FBXL2: variants seen among roughly 807,000 people sequenced by gnomAD.
The protein encoded by FBXL2 is F-box and leucine rich repeat protein 2.
FBXL2 carries 38 observed loss-of-function variants against 69.2 expected under a neutral mutation model. The ratio of observed to expected loss-of-function variants is 0.55; its 90% CI spans 0.42 to 0.72. The LOEUF is 0.72. FBXL2 is among the 30% of genes least tolerant of loss of function. The pLI, the probability that FBXL2 is intolerant of heterozygous loss-of-function variation, is 0.00. For synonymous variants in FBXL2, 192 were observed against 201.3 expected (o/e 0.95, Z 0.39); for missense variants, 354 against 520.3 (o/e 0.68, Z 3.11).
intron 1 of FBXL2, among the ~76,000 whole-genome samples, chr3:33,297,277 C>T (rs76595841): frequency 0.095 from 14,376 of 152,024 alleles, 688 homozygotes; most frequent in African/African-American, 0.11. Context: ...GCAGCCTTGC[C>T]GAACTCCTTG....
intron 2 of FBXL2, among the ~76,000 whole-genome samples, chr3:33,346,388 TAGTG>T (rs1251689753): frequency 6.6e-6 from 1 of 151,050 alleles, no homozygotes; most frequent in African/African-American, 2.4e-5. Flanking sequence ...CAAGCAAACA[TAGTG>T]AGACCCCATC....
At chr3:33,368,959 T>C (rs930469087) in intron 5 of FBXL2, among the ~76,000 whole-genome samples, 4 of 152,218 alleles carry the variant, frequency 2.6e-5, no homozygotes, top group Non-Finnish European at 4.4e-5. Context: ...TTAATGTGAT[T>C]ATTATGGTTA....
chr3:33,349,117 A>T (rs1283832048), intron 2 of FBXL2, among the ~76,000 whole-genome samples: 2 of 152,024 alleles, frequency 1.3e-5, no homozygotes, highest in African/African-American at 4.8e-5. Context: ...TCTTTCCCTT[A>T]TCTGTTGCTC....
At chr3:33,301,854 A>G (rs768856400) in intron 2 of FBXL2, among the ~76,000 whole-genome samples, 1 of 152,098 alleles carries the variant, frequency 6.6e-6, no homozygotes, top group Admixed American at 6.5e-5. Context: ...TATTGTCCAT[A>G]TTACTGTTGG....
At chr3:33,411,606 G>A in the FBXL2 span, 1 of 1,614,126 alleles carries the variant, frequency 6.2e-7, no homozygotes, top group Non-Finnish European at 8.5e-7. Flanking sequence ...GGTGCGTTTT[G>A]CTGGGTCCCA....
intron 1 of FBXL2, among the ~76,000 whole-genome samples, chr3:33,280,218 G>A (rs1210919647): frequency 6.6e-6 from 1 of 152,166 alleles, no homozygotes; most frequent in Non-Finnish European, 1.5e-5. Flanking sequence ...CTTACTCACA[G>A]CTATACTAGC....
chr3:33,396,955 C>T (rs1559668525), intron 12 of FBXL2: 2 of 1,201,914 alleles, frequency 1.7e-6, no homozygotes, highest in Admixed American at 3.6e-5. Flanking sequence ...GCACACACGC[C>T]AACCTAGCGT....
chr3:33,326,172 C>T (rs1483210145), intron 2 of FBXL2, among the ~76,000 whole-genome samples: 1 of 152,150 alleles, frequency 6.6e-6, no homozygotes, highest in African/African-American at 2.4e-5. Flanking sequence ...GTCTATACTT[C>T]TTAGTTGAAT....
chr3:33,412,913 T>G, the FBXL2 span: 17 of 869,168 alleles, frequency 2.0e-5, no homozygotes, highest in African/African-American at 8.2e-5. Flanking sequence ...TGTTAACCTG[T>G]AGCAGTAGAA....
intron 5 of FBXL2, among the ~76,000 whole-genome samples, chr3:33,370,334 C>T (rs555215241): frequency 4.0e-5 from 6 of 151,458 alleles, no homozygotes; most frequent in South Asian, 4.2e-4. Context: ...AGGAGAATGG[C>T]GTGAACCCGG....
At chr3:33,397,834 A>G (rs902106745) in intron 12 of FBXL2, 1 of 152,142 alleles carries the variant, frequency 6.6e-6, no homozygotes, top group African/African-American at 2.4e-5. Flanking sequence ...AGTGTTTGAC[A>G]CTTTTAAAAA....
chr3:33,282,899 T>C (rs1165530368), intron 1 of FBXL2, among the ~76,000 whole-genome samples: 1 of 152,244 alleles, frequency 6.6e-6, no homozygotes, highest in Non-Finnish European at 1.5e-5. Context: ...ATTGATTTTG[T>C]ATCCTGAGAC....
intron 12 of FBXL2, chr3:33,396,700 A>C: frequency 4.1e-6 from 2 of 485,648 alleles, no homozygotes; most frequent in Non-Finnish European, 7.9e-6. Context: ...ATAACTGTTT[A>C]GTAATAGTCA....
chr3:33,286,714 T>G (rs967265180), intron 1 of FBXL2, among the ~76,000 whole-genome samples: 1 of 152,222 alleles, frequency 6.6e-6, no homozygotes, highest in African/African-American at 2.4e-5. Flanking sequence ...CTGCTTTGTT[T>G]ACCTACTCAA....
At chr3:33,398,868 ACC>A (rs2044113721) in intron 12 of FBXL2, among the ~76,000 whole-genome samples, 2 of 152,280 alleles carry the variant, frequency 1.3e-5, no homozygotes, top group South Asian at 4.1e-4. Flanking sequence ...CAGCTCCCCG[ACC>A]CTGAAATTTT....
Position 33,379,534 on chromosome 3 carries a change from T to C in FBXL2, c.951+793T>C, listed in dbSNP as rs941012435. Among the ~76,000 whole-genome samples, 16 of 150,996 alleles carry C rather than the reference T, an allele frequency of 1.1e-4. 1 individual carries two copies. Among genetic ancestry groups the C allele is most frequent in the Admixed American group, 1.1e-3 (16 of 15,132 alleles). ...CACGCCCAGCAAATTTTTGTATTTT[T>C]AGTAGAGACGGGGTTTCACCATGTT... On this transcript the variant is annotated intron_variant, in intron 13 of 14. Coordinates refer to ENST00000484457, the MANE Select transcript of FBXL2 (RefSeq NM_012157.5).
At chr3:33,414,572 T>C in the FBXL2 span, among the ~76,000 whole-genome samples, 4 of 152,174 alleles carry the variant, frequency 2.6e-5, no homozygotes, top group African/African-American at 7.2e-5. Context: ...TTAAGTAGTA[T>C]AGTCAAAGAT....
Position 33,371,166 on chromosome 3 carries a change from AT to A in FBXL2, c.291-1910del, listed in dbSNP as rs56918562. 2.3e-3 allele frequency among the ~76,000 whole-genome samples: 307 copies of A among 130,678 alleles called. 1 individual carries two copies. In the East Asian group the frequency reaches 0.028, roughly 12 times the overall value. The allele number at this position is 130,678 out of a possible 152,430, so 85.7% of individuals were successfully genotyped here. ...TTTTATATCAGCCATTGTGGTTTTC[AT>A]TTTTTTTTTTTTTTTGAGATGGAGT... On this transcript the variant is annotated intron_variant, in intron 5 of 14. Coordinates refer to ENST00000484457, the MANE Select transcript of FBXL2 (RefSeq NM_012157.5).
chr3:33,301,418 C>G (rs2036283915), intron 2 of FBXL2, among the ~76,000 whole-genome samples: 1 of 152,160 alleles, frequency 6.6e-6, no homozygotes, highest in Non-Finnish European at 1.5e-5. Flanking sequence ...ATCACATCAA[C>G]CGAAGCTTCA....
Sources: allele counts gnomAD v4.1 joint callset (sites outside exome capture counted in the v4.1 genomes callset), GRCh38; gene constraint gnomAD v4.1.1; transcripts MANE v1.5; gene names NCBI Gene and HGNC (gene_info 2026-07-23, HGNC 2026-07-21).